CEP112: variants seen among roughly 807,000 people sequenced by gnomAD.
The protein encoded by CEP112 is centrosomal protein of 112 kDa.
CEP112 carries 127 observed loss-of-function variants against 153.0 expected under a neutral mutation model. The ratio of observed to expected loss-of-function variants is 0.83; its 90% CI spans 0.72 to 0.96. The LOEUF (loss-of-function observed/expected upper bound fraction) is 0.96. Among genes scored for constraint, CEP112 ranks in the 40% least tolerant of loss-of-function variants. The pLI is 0.00. For missense variants in CEP112, 1,089 were observed against 1,101.2 expected (o/e 0.99, Z 0.16); for synonymous variants, 358 against 374.4 (o/e 0.96, Z 0.51).
intron 20 of CEP112, among the ~76,000 whole-genome samples, chr17:65,866,695 C>T (rs77674605): frequency 0.03 from 4,628 of 152,244 alleles, 115 homozygotes; most frequent in South Asian, 0.06. Flanking sequence ...GAGCTACCCA[C>T]CTCAGGGTCC....
At chr17:65,960,485 T>C (rs1346184888) in intron 18 of CEP112, among the ~76,000 whole-genome samples, 1 of 152,226 alleles carries the variant, frequency 6.6e-6, no homozygotes, top group African/African-American at 2.4e-5. Context: ...CCATGGGTGA[T>C]TGGTTCCAGA....
chr17:65,905,679 C>T (rs955199098), intron 19 of CEP112, among the ~76,000 whole-genome samples: 2 of 152,150 alleles, frequency 1.3e-5, no homozygotes, highest in Admixed American at 6.5e-5. Flanking sequence ...CCTGTAATCC[C>T]AGCACTTTGG....
At chr17:65,838,106 A>C (rs1042619632) in intron 21 of CEP112, among the ~76,000 whole-genome samples, 1 of 152,240 alleles carries the variant, frequency 6.6e-6, no homozygotes, top group Non-Finnish European at 1.5e-5. Context: ...AAATTAAAAA[A>C]AAATACAATG....
chr17:65,788,209 T>C (rs1010091981), intron 21 of CEP112, among the ~76,000 whole-genome samples: 6 of 152,230 alleles, frequency 3.9e-5, no homozygotes, highest in Non-Finnish European at 8.8e-5. Flanking sequence ...TGGATTATAT[T>C]AATGGATTTC....
At chr17:66,103,803 G>A (rs887489438) in intron 6 of CEP112, among the ~76,000 whole-genome samples, 1 of 152,180 alleles carries the variant, frequency 6.6e-6, no homozygotes, top group African/African-American at 2.4e-5. Flanking sequence ...GGCATGAAGA[G>A]AGAATCTGTG....
chr17:65,833,948 C>T (rs918089444), intron 21 of CEP112, among the ~76,000 whole-genome samples: 1 of 152,138 alleles, frequency 6.6e-6, no homozygotes, highest in Non-Finnish European at 1.5e-5. Context: ...CAACTTCAAA[C>T]TATACTACAG....
intron 8 of CEP112, among the ~76,000 whole-genome samples, chr17:66,095,056 G>GATTA (rs1471310455): frequency 1.3e-5 from 2 of 152,164 alleles, no homozygotes; most frequent in East Asian, 3.8e-4. Flanking sequence ...CAGTAATGTA[G>GATTA]ATTAGTGCAG....
At chr17:66,189,276 G>A (rs926120305) in intron 1 of CEP112, among the ~76,000 whole-genome samples, 1 of 152,102 alleles carries the variant, frequency 6.6e-6, no homozygotes, top group East Asian at 1.9e-4. Flanking sequence ...TGAGGCAGGC[G>A]GATAACTTGA....
At chr17:65,935,395 C>T (rs1403414087) in intron 18 of CEP112, among the ~76,000 whole-genome samples, 2 of 152,144 alleles carry the variant, frequency 1.3e-5, no homozygotes, top group Non-Finnish European at 2.9e-5. Context: ...AAACATCAGA[C>T]TTAAACTACA....
In CEP112 at chr17:66,096,027, A is replaced by G. The variant is rs143674222; in HGVS notation, c.768+224T>C. Reference sequence around the variant, plus strand: ...CAGTGAGCTCTGATCACACCACTGCACTCCAGCCGGACAAAAGATAGAGAC... The same window carrying G: ...CAGTGAGCTCTGATCACACCACTGCGCTCCAGCCGGACAAAAGATAGAGAC... On this transcript the variant is annotated intron_variant, in intron 8 of 26. Transcript: ENST00000535342. Among the ~76,000 whole-genome samples, 629 of 152,176 alleles carry G rather than the reference A, an allele frequency of 4.1e-3. 6 individuals carry two copies. The highest frequency in any genetic ancestry group is 0.015 in the African/African-American group (605 of 41,516).
At chr17:66,110,214 C>A (rs2068965473) in intron 6 of CEP112, among the ~76,000 whole-genome samples, 1 of 151,918 alleles carries the variant, frequency 6.6e-6, no homozygotes, top group African/African-American at 2.4e-5. Context: ...CATCTGTACT[C>A]CCAGCTACTC....
chr17:65,695,683 A>T (rs2048319512), intron 23 of CEP112, among the ~76,000 whole-genome samples: 1 of 152,216 alleles, frequency 6.6e-6, no homozygotes, highest in African/African-American at 2.4e-5. Flanking sequence ...AATGATAAAA[A>T]CAATTTTTTA....
At chr17:65,666,432 G>A (rs764655125) in intron 24 of CEP112, among the ~76,000 whole-genome samples, 6 of 152,170 alleles carry the variant, frequency 3.9e-5, no homozygotes, top group Non-Finnish European at 7.3e-5. Context: ...ACTGACCCTG[G>A]TGTAATCTAG....
chr17:65,891,263 A>G (rs2059454521), intron 20 of CEP112, among the ~76,000 whole-genome samples: 1 of 152,134 alleles, frequency 6.6e-6, no homozygotes, highest in Non-Finnish European at 1.5e-5. Flanking sequence ...TTAATATTCA[A>G]TAAGAAATTG....
At chr17:65,961,301 T>G (rs117926408) in intron 18 of CEP112, among the ~76,000 whole-genome samples, 162 bp downstream of exon 18, 1 of 152,368 alleles carries the variant, frequency 6.6e-6, no homozygotes, top group African/African-American at 2.4e-5. Flanking sequence ...ATGAATCAAG[T>G]GGTAACATCT....
chr17:66,180,082 G>A (rs2072654906), intron 2 of CEP112, among the ~76,000 whole-genome samples: 1 of 151,962 alleles, frequency 6.6e-6, no homozygotes, highest in Non-Finnish European at 1.5e-5. Context: ...GTTGAATTCT[G>A]CTTGCAAGTA....
At chr17:66,186,440 C>G (rs2072940480) in intron 1 of CEP112, among the ~76,000 whole-genome samples, 1 of 152,012 alleles carries the variant, frequency 6.6e-6, no homozygotes, top group Non-Finnish European at 1.5e-5. Context: ...TAGGCACCCG[C>G]CACCACGCCC....
intron 18 of CEP112, among the ~76,000 whole-genome samples, chr17:65,937,044 C>T (rs1223910932): frequency 6.7e-6 from 1 of 149,256 alleles, no homozygotes; most frequent in Non-Finnish European, 1.5e-5. Context: ...TCTCCAGCTC[C>T]TCACCGCGAG....
chr17:65,646,123 G>T (rs1248698746), intron 24 of CEP112, among the ~76,000 whole-genome samples: 1 of 152,206 alleles, frequency 6.6e-6, no homozygotes, highest in Admixed American at 6.5e-5. Flanking sequence ...TCTAGTAGGA[G>T]GCTAGGCCAT....
Sources: gnomAD v4.1 joint callset for allele counts (sites outside exome capture counted in the v4.1 genomes callset) on GRCh38, gnomAD v4.1.1 for gene constraint, MANE v1.5 for transcripts, NCBI Gene and HGNC (gene_info 2026-07-23, HGNC 2026-07-21) for gene names.